MYO5A: variants seen among roughly 807,000 people sequenced by gnomAD.
MYO5A encodes unconventional myosin-Va.
A neutral mutation model predicts 249.7 loss-of-function variants in MYO5A; 98 were observed. The ratio of observed to expected loss-of-function variants is 0.39; its 90% CI spans 0.33 to 0.46. The LOEUF is 0.46. MYO5A is among the 20% of genes least tolerant of loss of function. MYO5A has a pLI of 0.98. For missense variants in MYO5A, 1,696 were observed against 2,308.8 expected, an observed-to-expected ratio of 0.73 and a Z score of 5.44; for synonymous variants, 778 against 810.6, an observed-to-expected ratio of 0.96 and a Z score of 0.68.
Position 52,330,349 on chromosome 15 carries a change from T to G in MYO5A, c.4555+4A>C. 1 of 1,614,080 alleles carries G rather than the reference T, an allele frequency of 6.2e-7. No individual in the cohort carries two copies. Among genetic ancestry groups the G allele is most frequent in the Non-Finnish European group, 8.5e-7 (1 of 1,179,952 alleles). On this transcript the variant is annotated splice_donor_region_variant and intron_variant, in intron 35 of 41. Transcript: ENST00000399233. The stretch of plus-strand genomic sequence containing the variant: ...AACTTTTATCCAATGCAGAAAATAC[T>G]TGCCCAGAATCAGGTTCTTAACAAG...
At chr15:52,483,613 C>T (rs2076760137) in intron 1 of MYO5A, among the ~76,000 whole-genome samples, 1 of 152,140 alleles carries the variant, frequency 6.6e-6, no homozygotes, top group Non-Finnish European at 1.5e-5. Flanking sequence ...GTTTTCCTTC[C>T]CCATCCATTC....
intron 26 of MYO5A, 27 bp downstream of exon 26, chr15:52,353,844 G>C: frequency 6.2e-7 from 1 of 1,612,342 alleles, no homozygotes; most frequent in South Asian, 1.1e-5. Context: ...CCCAGCTTCA[G>C]CTCTGCGGAT....
At chr15:52,436,660 G>T (rs150656511) in intron 1 of MYO5A, among the ~76,000 whole-genome samples, 30 of 152,226 alleles carry the variant, frequency 2.0e-4, no homozygotes, top group African/African-American at 5.5e-4. Flanking sequence ...TGTCTGTGTT[G>T]TTCAACACAG....
At chr15:52,452,236 A>T (rs554540028) in intron 1 of MYO5A, among the ~76,000 whole-genome samples, 1 of 151,870 alleles carries the variant, frequency 6.6e-6, no homozygotes, top group Admixed American at 6.5e-5. Context: ...GAGAAGTATT[A>T]AAAAAAACTC....
intron 21 of MYO5A, among the ~76,000 whole-genome samples, chr15:52,371,772 T>C (rs2041128788): frequency 6.6e-6 from 1 of 151,818 alleles, no homozygotes; most frequent in South Asian, 2.1e-4. Flanking sequence ...CAGAAGGCTG[T>C]GGTGGGAAGA....
At position 52,383,167 on chromosome 15, in the gene MYO5A, G is replaced by A. The variant is rs1359781869; in HGVS notation, c.1936C>T (p.Leu646Phe). The change falls in exon 16 of 42, where the codon CTT becomes TTT. Residue 646 changes from leucine (L) to phenylalanine (F), a missense_variant. Coordinates refer to ENST00000399233, the MANE Select transcript of MYO5A (RefSeq NM_001382347.1). The stretch of plus-strand genomic sequence containing the variant: ...GTAGTGGCATTGAGTGTCTCCATAA[G>A]CAGGTGCAGGGAGTTTCTGAACTGC... ...GHQFRNSLHL[L>F]METLNATTPH... 1 of 1,613,744 alleles carries A rather than the reference G, an allele frequency of 6.2e-7. No individual in the cohort carries two copies. The highest frequency in any genetic ancestry group is 1.7e-5 in the Admixed American group (1 of 60,006).
intron 22 of MYO5A, among the ~76,000 whole-genome samples, chr15:52,368,620 T>C (rs1450238838): frequency 6.6e-6 from 1 of 152,136 alleles, no homozygotes; most frequent in East Asian, 1.9e-4. Flanking sequence ...AAAGAACTAA[T>C]GGGGCCAGGC....
chr15:52,319,560 G>A (rs1019213317), intron 38 of MYO5A, among the ~76,000 whole-genome samples: 2 of 152,046 alleles, frequency 1.3e-5, no homozygotes, highest in Non-Finnish European at 2.9e-5. Flanking sequence ...AGGAAACCCC[G>A]TCTCTATTGA....
chr15:52,433,858 C>T (rs144284299), intron 1 of MYO5A, among the ~76,000 whole-genome samples: 1 of 152,234 alleles, frequency 6.6e-6, no homozygotes, highest in Non-Finnish European at 1.5e-5. Flanking sequence ...GTAAATGCCA[C>T]CTGAAAGTAT....
intron 1 of MYO5A, among the ~76,000 whole-genome samples, chr15:52,438,949 G>A (rs1244201933): frequency 6.6e-6 from 1 of 152,240 alleles, no homozygotes; most frequent in African/African-American, 2.4e-5. Context: ...TCCTGATCCA[G>A]CTAGGCGCCC....
intron 1 of MYO5A, among the ~76,000 whole-genome samples, chr15:52,507,431 G>A (rs887578310): frequency 6.6e-6 from 1 of 152,186 alleles, no homozygotes; most frequent in African/African-American, 2.4e-5. Flanking sequence ...GATTACAATC[G>A]AAAGAGTATC....
At position 52,344,280 on chromosome 15, in the gene MYO5A, T is replaced by C. The variant is rs145757187; in HGVS notation, c.3960-1083A>G. The stretch of plus-strand genomic sequence containing the variant: ...TACACACATCTCTCCTGTCTACAGA[T>C]TTATATACTCAACTGCCTAATAGAT... On this transcript the variant is annotated intron_variant, in intron 30 of 41. Coordinates refer to ENST00000399233, the MANE Select transcript of MYO5A (RefSeq NM_001382347.1). Among the ~76,000 whole-genome samples, 65 of 152,334 alleles carry C rather than the reference T, an allele frequency of 4.3e-4. 1 individual carries two copies. The highest frequency in any genetic ancestry group is 1.4e-3 in the African/African-American group (59 of 41,568).
chr15:52,527,868 C>T (rs11855467), intron 1 of MYO5A, among the ~76,000 whole-genome samples: 22,569 of 152,226 alleles, frequency 0.15, 1,803 homozygotes, highest in Middle Eastern at 0.22. Flanking sequence ...CTATTAACTG[C>T]ATGTAGAAGT....
intron 1 of MYO5A, among the ~76,000 whole-genome samples, chr15:52,474,830 G>A (rs1164282575): frequency 1.3e-5 from 2 of 152,142 alleles, no homozygotes; most frequent in African/African-American, 4.8e-5. Context: ...TGTTCATCAG[G>A]GATATTGGCC....
intron 1 of MYO5A, among the ~76,000 whole-genome samples, chr15:52,451,215 A>G (rs1415410012): frequency 6.6e-6 from 1 of 152,052 alleles, no homozygotes; most frequent in Non-Finnish European, 1.5e-5. Flanking sequence ...TGCTCCTGGG[A>G]AAAAAACTGA....
intron 14 of MYO5A, 49 bp downstream of exon 14, chr15:52,387,780 C>T: frequency 7.5e-7 from 1 of 1,336,806 alleles, no homozygotes; most frequent in Non-Finnish European, 1.1e-6. Flanking sequence ...TGTTAAAAAG[C>T]TAATGCTTTG....
chr15:52,356,707 T>C (rs992869007), intron 25 of MYO5A, among the ~76,000 whole-genome samples: 1 of 147,994 alleles, frequency 6.8e-6, no homozygotes, highest in South Asian at 2.1e-4. Context: ...CCTTCAACAG[T>C]AGTAACCGTT....
intron 34 of MYO5A, among the ~76,000 whole-genome samples, chr15:52,335,864 T>C (rs1380971958): frequency 6.6e-6 from 1 of 152,240 alleles, no homozygotes; most frequent in Non-Finnish European, 1.5e-5. Flanking sequence ...AGAATAATGA[T>C]AGTGACTAAT....
At chr15:52,475,515 G>A (rs2076573496) in intron 1 of MYO5A, among the ~76,000 whole-genome samples, 1 of 152,130 alleles carries the variant, frequency 6.6e-6, no homozygotes, top group Admixed American at 6.5e-5. Flanking sequence ...GGTTTCTCTT[G>A]TGGGCATTTA....
Sources: allele counts gnomAD v4.1 joint callset (sites outside exome capture counted in the v4.1 genomes callset), GRCh38; gene constraint gnomAD v4.1.1; transcripts MANE v1.5; gene names NCBI Gene and HGNC (gene_info 2026-07-23, HGNC 2026-07-21).